The following PCDH15 variants were observed in gnomAD, a reference collection of about 807,000 sequenced individuals.
PCDH15 encodes protocadherin-15.
PCDH15 carries 129 observed loss-of-function variants against 178.5 expected under a neutral mutation model. The ratio of observed to expected loss-of-function variants is 0.72; its 90% CI spans 0.63 to 0.84. The LOEUF (loss-of-function observed/expected upper bound fraction) is 0.84, where lower values mean the gene tolerates loss of function less well. PCDH15 is among the 40% of genes least tolerant of loss of function. PCDH15 has a pLI of 0.00. For synonymous variants in PCDH15, 800 were observed against 732.0 expected (o/e 1.09, Z -1.50); for missense variants, 2,230 against 2,099.9 (o/e 1.06, Z -1.21).
chr10:55,159,801 T>A lies in PCDH15; in HGVS notation c.-80+6775A>T, dbSNP rs867919873. 1.5e-4 allele frequency among the ~76,000 whole-genome samples: 23 copies of A among 148,556 alleles called. No individual in the cohort carries two copies. The South Asian group carries it at 4.8e-3, about 31-fold the overall frequency. ...ATATTAAGAGATATATATAAAGATA[T>A]AATATATATAAAACATATATATTAC... is the stretch of plus-strand genomic sequence containing the variant. On this transcript the variant is annotated intron_variant, in intron 2 of 5. Coordinates refer to the PCDH15 transcript ENST00000458638.
chr10:54,810,749 A>G (rs1470075172), intron 3 of PCDH15, among the ~76,000 whole-genome samples: 1 of 152,148 alleles, frequency 6.6e-6, no homozygotes, highest in African/African-American at 2.4e-5. Flanking sequence ...TGATAGAAAA[A>G]AAATAATTGC....
At chr10:54,502,590 A>G (rs1214196402) in intron 3 of PCDH15, among the ~76,000 whole-genome samples, 1 of 152,130 alleles carries the variant, frequency 6.6e-6, no homozygotes, top group Non-Finnish European at 1.5e-5. Flanking sequence ...ACAGCCTAAT[A>G]TCATGCATGA....
chr10:54,758,336 T>C (rs916463396), intron 1 of PCDH15, among the ~76,000 whole-genome samples: 1 of 152,198 alleles, frequency 6.6e-6, no homozygotes, highest in Non-Finnish European at 1.5e-5. Flanking sequence ...TCTCTCATGA[T>C]GCTAGGCTGC....
At chr10:54,873,406 A>G (rs1312495441) in intron 3 of PCDH15, among the ~76,000 whole-genome samples, 1 of 151,526 alleles carries the variant, frequency 6.6e-6, no homozygotes, top group East Asian at 1.9e-4. Flanking sequence ...TAATCTTCCC[A>G]TATGTCCTCC....
chr10:54,096,600 C>T lies in PCDH15; in HGVS notation c.1918-6537G>A, dbSNP rs543743232. Among the ~76,000 whole-genome samples, 3 of 152,268 alleles carry T rather than the reference C, an allele frequency of 2.0e-5. No individual in the cohort carries two copies. The East Asian group carries it at 5.8e-4, about 29-fold the overall frequency. On this transcript the variant is annotated intron_variant, in intron 15 of 37. Transcript: ENST00000644397. ...GATCATGGCACTAGCAGATCCCATG[C>T]ACCTTTTGTGGTCTGCAGACAGCTG...
intron 2 of PCDH15, among the ~76,000 whole-genome samples, chr10:55,464,640 A>ATGTGTGTGTGTG: frequency 1.4e-5 from 1 of 72,114 alleles, no homozygotes; most frequent in African/African-American, 6.7e-5. Context: ...ATATATATAT[A>ATGTGTGTGTGTG]TATATATATA....
chr10:54,779,807 T>C (rs1566225522), intron 1 of PCDH15, among the ~76,000 whole-genome samples: 1 of 151,950 alleles, frequency 6.6e-6, no homozygotes, highest in Non-Finnish European at 1.5e-5. Flanking sequence ...GCTTCCTACA[T>C]AGACCCCTGA....
intron 3 of PCDH15, among the ~76,000 whole-genome samples, chr10:54,821,090 A>T (rs572649876): frequency 1.6e-4 from 25 of 152,154 alleles, no homozygotes; most frequent in South Asian, 6.2e-4. Context: ...CAGAAAAAAA[A>T]TTTTTAACAA....
At chr10:54,426,602 T>C (rs1311056722) in intron 3 of PCDH15, among the ~76,000 whole-genome samples, 1 of 152,158 alleles carries the variant, frequency 6.6e-6, no homozygotes, top group African/African-American at 2.4e-5. Context: ...ACGTCTCTCA[T>C]GGCCTGTCTT....
At chr10:55,211,979 C>G (rs1265352834) in intron 1 of PCDH15, among the ~76,000 whole-genome samples, 2 of 151,690 alleles carry the variant, frequency 1.3e-5, no homozygotes, top group African/African-American at 4.9e-5. Context: ...AAAATTTGAG[C>G]TGCAAACCTA....
At chr10:55,504,104 C>A (rs531908533) in intron 2 of PCDH15, among the ~76,000 whole-genome samples, 1 of 151,182 alleles carries the variant, frequency 6.6e-6, no homozygotes, top group Non-Finnish European at 1.5e-5. Context: ...CATGTTATAC[C>A]TTTGTTTGAA....
chr10:54,303,972 C>T (rs1037048442), intron 8 of PCDH15, among the ~76,000 whole-genome samples: 2 of 152,052 alleles, frequency 1.3e-5, no homozygotes, highest in African/African-American at 4.8e-5. Flanking sequence ...TTTTAAGAAA[C>T]AAGTGCTGTT....
chr10:55,078,377 A>G (rs1841961770), intron 2 of PCDH15, among the ~76,000 whole-genome samples: 1 of 152,100 alleles, frequency 6.6e-6, no homozygotes, highest in Non-Finnish European at 1.5e-5. Context: ...TAGACTTGGG[A>G]AGTTTTCATC....
intron 28 of PCDH15, among the ~76,000 whole-genome samples, chr10:53,855,594 G>A (rs146622708): frequency 1.8e-3 from 278 of 151,904 alleles, no homozygotes; most frequent in African/African-American, 6.2e-3. Context: ...GCTTTAATCC[G>A]TGCCTACTGT....
intron 2 of PCDH15, among the ~76,000 whole-genome samples, chr10:55,060,063 G>C (rs909220404): frequency 6.6e-6 from 1 of 151,896 alleles, no homozygotes; most frequent in Admixed American, 6.6e-5. Context: ...ACTGCAGATT[G>C]TATCACCATA....
At chr10:53,972,040 T>C (rs2089744209) in intron 21 of PCDH15, among the ~76,000 whole-genome samples, 1 of 152,226 alleles carries the variant, frequency 6.6e-6, no homozygotes, top group African/African-American at 2.4e-5. Context: ...CAAACTATAC[T>C]ACAAGTCTAC....
chr10:54,968,300 T>G (rs570374783), intron 2 of PCDH15, among the ~76,000 whole-genome samples: 15 of 152,306 alleles, frequency 9.8e-5, no homozygotes, highest in Middle Eastern at 3.4e-3. Context: ...TTGTCATTGT[T>G]TCCCTGCAGT....
intron 3 of PCDH15, among the ~76,000 whole-genome samples, chr10:54,398,878 T>C (rs1951577813): frequency 6.6e-6 from 1 of 152,116 alleles, no homozygotes; most frequent in Non-Finnish European, 1.5e-5. Flanking sequence ...GGACAATTTT[T>C]AGTGGTATGT....
chr10:53,811,500 A>G, intron 36 of PCDH15, 49 bp downstream of exon 36: 8 of 1,105,200 alleles, frequency 7.2e-6, no homozygotes, highest in Non-Finnish European at 1.0e-5. Context: ...ATTTCCTATT[A>G]ATAAAATATT....
Sources: gnomAD v4.1 joint callset for allele counts (sites outside exome capture counted in the v4.1 genomes callset) on GRCh38, gnomAD v4.1.1 for gene constraint, MANE v1.5 for transcripts, NCBI Gene and HGNC (gene_info 2026-07-23, HGNC 2026-07-21) for gene names.